The following COL4A3 variants were observed in gnomAD, a reference collection of about 807,000 sequenced individuals.
COL4A3 encodes collagen type IV alpha 3 chain, also known as collagen alpha-3(IV) chain.
COL4A3 carries 135 observed loss-of-function variants against 217.4 expected under a neutral mutation model. That is an observed-to-expected ratio of 0.62 (90% CI 0.54 to 0.72). The LOEUF (loss-of-function observed/expected upper bound fraction) is 0.72, where lower values mean the gene tolerates loss of function less well. COL4A3 is among the 30% of genes least tolerant of loss of function. The probability of loss-of-function intolerance (pLI) is 0.00; values close to 1 mark genes in which losing one functional copy is unlikely to be tolerated. For synonymous variants in COL4A3, 690 were observed against 736.3 expected (o/e 0.94, Z 1.02); for missense variants, 1,868 against 2,119.9 (o/e 0.88, Z 2.33).
Position 227,240,145 on chromosome 2 carries a change from G to A in COL4A3, c.147G>A (p.Gly49=). The change falls in exon 3 of 52, where the codon GGG becomes GGA. Residue 49 remains glycine, a splice_region_variant and synonymous_variant. Coordinates refer to ENST00000396578, the MANE Select transcript of COL4A3 (RefSeq NM_000091.5). ...CFCDGAKGEK[G]EKGFPGPPGS... ...TCACCTCGTTTTGGTTTTAACAGGG[G>A]GAGAAGGGCTTTCCTGGACCCCCCG... 1 of 1,606,736 alleles carries A rather than the reference G, an allele frequency of 6.2e-7. No homozygotes were observed. Among genetic ancestry groups the A allele is most frequent in the Non-Finnish European group, 8.5e-7 (1 of 1,176,648 alleles).
intron 1 of COL4A3, among the ~76,000 whole-genome samples, chr2:227,172,381 T>TA (rs1559792484): frequency 6.6e-6 from 1 of 152,082 alleles, no homozygotes. Context: ...TGGGTGCTGG[T>TA]AAGGGCCCTC....
rs372251926 is a variant in COL4A3 at position 227,291,431 on chromosome 2, C to T, written c.3210+545C>T. Among the ~76,000 whole-genome samples, 174 of 150,482 alleles carry T rather than the reference C, an allele frequency of 1.2e-3. 3 individuals are homozygous for T. In the East Asian group the frequency reaches 0.014, roughly 12 times the overall value. On this transcript the variant is annotated intron_variant, in intron 37 of 51. Transcript: ENST00000396578. ...ACAAAAAATTAGCCGGGCGTTTTGG[C>T]GGGCGCCTGTAGTCCCAGCTACTTG...
chr2:227,307,613 G>A (rs1003478098), intron 47 of COL4A3, 97 bp from the exon 48 acceptor site: 2 of 1,025,054 alleles, frequency 2.0e-6, no homozygotes, highest in South Asian at 2.9e-5. Context: ...TCAATTTATG[G>A]GCTCAACATA....
At chr2:227,249,230 A>ATTTTTTTTTTT (rs1247683938) in intron 9 of COL4A3, among the ~76,000 whole-genome samples, 10 of 14,690 alleles carry the variant, frequency 6.8e-4, no homozygotes, top group East Asian at 2.7e-3. Context: ...ATATATATAT[A>ATTTTTTTTTTT]TTTTTTTTTT....
intron 1 of COL4A3, among the ~76,000 whole-genome samples, chr2:227,199,525 A>T (rs944514944): frequency 2.0e-5 from 3 of 152,238 alleles, no homozygotes; most frequent in Non-Finnish European, 4.4e-5. Flanking sequence ...AATCTGAAGC[A>T]TTCCAAAGAG....
At chr2:227,306,452 G>A (rs73996415) in intron 47 of COL4A3, among the ~76,000 whole-genome samples, 3,977 of 152,114 alleles carry the variant, frequency 0.026, 178 homozygotes, top group African/African-American at 0.091. Context: ...CTTTTGTTTG[G>A]GGCCAACTAT....
intron 1 of COL4A3, among the ~76,000 whole-genome samples, chr2:227,179,012 T>G (rs1451161010): frequency 6.6e-6 from 1 of 152,134 alleles, no homozygotes; most frequent in East Asian, 1.9e-4. Flanking sequence ...AGTACAGTGG[T>G]GCAATCTTGG....
Position 227,238,003 on chromosome 2 carries a change from T to C in COL4A3, c.123T>C (p.Cys41=), listed in dbSNP as rs1261122382. Residue 41 remains cysteine, a synonymous_variant, in exon 2 of 52, where the codon TGT becomes TGC. Coordinates refer to ENST00000396578, the MANE Select transcript of COL4A3 (RefSeq NM_000091.5). Reference sequence around the variant, plus strand: ...GTAAAGACAAAGGCCAGTGCTTCTGTGACGGGGCCAAAGGGGAGAAGGTAA... The same window carrying C: ...GTAAAGACAAAGGCCAGTGCTTCTGCGACGGGGCCAAAGGGGAGAAGGTAA... ...CVCKDKGQCF[C]DGAKGEKGEK... is the part of the protein sequence containing the mutation. 2.5e-6 allele frequency: 4 copies of C among 1,610,312 alleles called. No homozygotes were observed. The South Asian group carries it at 4.4e-5, about 18-fold the overall frequency.
Position 227,251,192 on chromosome 2 carries a change from C to T in COL4A3, c.599C>T (p.Pro200Leu), listed in dbSNP as rs368480491. ...GGGCCTGTTGGCCCACCTGGTCCTC[C>T]GGGATTCTTTGTGAGTATCAAGTCA... ...FPGPVGPPGP[P>L]GFFGFPGAMG... The change falls in exon 10 of 52, where the codon CCG becomes CTG. Residue 200 changes from proline (P) to leucine (L), a missense_variant. Pro to Leu is a moderately conservative substitution (Grantham distance 98). Transcript: ENST00000396578. The T allele has an allele frequency of 3.8e-5, 61 of 1,613,394 alleles. No homozygotes were observed. The highest frequency in any genetic ancestry group is 2.0e-4 in the Admixed American group (12 of 59,976).
At chr2:227,247,461 G>A in intron 7 of COL4A3, 97 bp from the exon 8 acceptor site, 2 of 1,108,636 alleles carry the variant, frequency 1.8e-6, no homozygotes, top group Non-Finnish European at 2.8e-6. Context: ...TGTACAGTGG[G>A]GAGAGGATAC....
At chr2:227,176,705 C>T (rs970086114) in intron 1 of COL4A3, among the ~76,000 whole-genome samples, 4 of 152,040 alleles carry the variant, frequency 2.6e-5, no homozygotes, top group Non-Finnish European at 5.9e-5. Context: ...TTTTTCCCAC[C>T]GGGATATTTT....
At chr2:227,189,779 C>G (rs2066162373) in intron 1 of COL4A3, among the ~76,000 whole-genome samples, 1 of 152,140 alleles carries the variant, frequency 6.6e-6, no homozygotes, top group Non-Finnish European at 1.5e-5. Flanking sequence ...TGAGGCTGGA[C>G]CTAGCATTTC....
intron 1 of COL4A3, among the ~76,000 whole-genome samples, chr2:227,188,657 ACTTT>A (rs2066121823): frequency 1.3e-5 from 2 of 152,288 alleles, no homozygotes; most frequent in Non-Finnish European, 2.9e-5. Flanking sequence ...CAAATCAATA[ACTTT>A]CTGAATTAGA....
rs1246102682 is a variant in COL4A3, at chr2:227,280,438, A to G, written c.2224-2A>G. On this transcript the variant is annotated splice_acceptor_variant, in intron 29 of 51. Coordinates refer to ENST00000396578, the MANE Select transcript of COL4A3 (RefSeq NM_000091.5). LOFTEE classifies it high-confidence loss of function. ...AGTAATAACACAATTTCTATGCTGTAGGGAGAACCAGCAGTAGCCATGCCT... is the reference window on the plus strand; with the variant it reads ...AGTAATAACACAATTTCTATGCTGTGGGGAGAACCAGCAGTAGCCATGCCT... The G allele has an allele frequency of 6.2e-7, 1 of 1,613,974 alleles. No homozygotes were observed. Among genetic ancestry groups the G allele is most frequent in the Non-Finnish European group, 8.5e-7 (1 of 1,179,950 alleles).
chr2:227,288,602 AG>A (rs1257576058), intron 34 of COL4A3, among the ~76,000 whole-genome samples: 2 of 152,244 alleles, frequency 1.3e-5, no homozygotes, highest in African/African-American at 4.8e-5. Context: ...GATTGAGAAT[AG>A]AATCATCTAG....
chr2:227,290,236 G>T, intron 36 of COL4A3, 148 bp downstream of exon 36: 1 of 747,484 alleles, frequency 1.3e-6, no homozygotes, highest in South Asian at 1.5e-5. Flanking sequence ...GGTGGCTCAT[G>T]CCTGTAATCC....
chr2:227,212,861 T>C (rs1316812738), intron 1 of COL4A3, among the ~76,000 whole-genome samples: 4 of 152,320 alleles, frequency 2.6e-5, no homozygotes, highest in Middle Eastern at 6.8e-3. Flanking sequence ...TGAACACCCA[T>C]GATTTAATGA....
In COL4A3 at chr2:227,263,952, T is replaced by C. The variant is rs1490292797; in HGVS notation, c.1315+8T>C. The C allele has an allele frequency of 6.2e-7, 1 of 1,613,918 alleles. No individual in the cohort carries two copies. Among genetic ancestry groups the C allele is most frequent in the Non-Finnish European group, 8.5e-7 (1 of 1,179,944 alleles). On this transcript the variant is annotated splice_region_variant and intron_variant, in intron 21 of 51. Transcript: ENST00000396578. ...GACCTCCAGGACCGCCAGGTAAAGA[T>C]GTGGAAGGGGACCCCTTTTGTGCAC...
Position 227,297,723 on chromosome 2 carries a change from A to G in COL4A3, c.3615A>G (p.Arg1205=). Residue 1205 remains arginine (R), a synonymous_variant, in exon 42 of 52, where the codon AGA becomes AGG. Transcript: ENST00000396578. ...CAGGTTTTCCTGGCCTCCCGGGCAG[A>G]AAAGGGGCCATGGGAGATGCTGGAC... ...GAPGFPGLPG[R]KGAMGDAGPR... is the part of the protein sequence containing the mutation. 1.2e-6 allele frequency: 2 copies of G among 1,608,602 alleles called. No individual in the cohort carries two copies. Among genetic ancestry groups the G allele is most frequent in the Non-Finnish European group, 1.7e-6 (2 of 1,178,098 alleles).
Sources: allele counts gnomAD v4.1 joint callset (sites outside exome capture counted in the v4.1 genomes callset), GRCh38; gene constraint gnomAD v4.1.1; transcripts MANE v1.5; gene names NCBI Gene and HGNC (gene_info 2026-07-23, HGNC 2026-07-21).